The following SLC15A3 variants were observed in gnomAD, a reference collection of about 807,000 sequenced individuals.
SLC15A3 encodes the protein solute carrier family 15 member 3.
SLC15A3 carries 39 observed loss-of-function variants against 49.2 expected under a neutral mutation model. The observed-to-expected ratio is 0.79, with a 90% CI of 0.61 to 1.04. SLC15A3 has a LOEUF of 1.04. SLC15A3 is among the 50% of genes least tolerant of loss of function. The probability of loss-of-function intolerance (pLI) is 0.00; values close to 1 mark genes in which losing one functional copy is unlikely to be tolerated. For synonymous variants in SLC15A3, 339 were observed against 367.0 expected, an observed-to-expected ratio of 0.92 and a Z score of 0.87; for missense variants, 758 against 794.8, an observed-to-expected ratio of 0.95 and a Z score of 0.56.
In SLC15A3 at chr11:60,941,192, C is replaced by G; in HGVS notation, c.1206G>C (p.Lys402Asn). ...TCTTCTGCAGAGCAGAGGGAAGCAG[C>G]TTGCACCGCAGCAGTAAAGGGTCGA... is the stretch of plus-strand genomic sequence containing the variant. ...RLIDPLLLRC[K>N]LLPSALQKMA... Residue 402 changes from lysine to asparagine, a missense_variant, in exon 5 of 8, where the codon AAG becomes AAC. Physicochemically the swap from Lys to Asn is moderately conservative, Grantham distance 94. Around this residue, in one of 3 missense-constraint regions of SLC15A3, gnomAD observed 699 missense variants for 706.7 expected, o/e 0.99. Transcript: ENST00000227880. 6.2e-7 allele frequency: 1 copy of G among 1,614,204 alleles called. No homozygotes were observed.
Position 60,943,760 on chromosome 11 carries a change from T to C in SLC15A3, c.925A>G (p.Asn309Asp). ...PGASPQEDIANFQVLVKILPV... is the reference protein window; with the variant it reads ...PGASPQEDIADFQVLVKILPV... ...AAGATCTTCACCAGCACCTGGAAGTTGGCGATGTCCTCTTGCGGGGAAGCC... is the reference window on the plus strand; with the variant it reads ...AAGATCTTCACCAGCACCTGGAAGTCGGCGATGTCCTCTTGCGGGGAAGCC... Residue 309 changes from asparagine to aspartate, a missense_variant, in exon 3 of 8, where the codon AAC (asparagine) becomes GAC (aspartate). By Grantham distance (23) the Asn-to-Asp change is conservative. Coordinates refer to ENST00000227880, the MANE Select transcript of SLC15A3 (RefSeq NM_016582.3). 1 of 1,605,908 alleles carries C rather than the reference T, an allele frequency of 6.2e-7. No homozygotes were observed. Among genetic ancestry groups the C allele is most frequent in the Non-Finnish European group, 8.5e-7 (1 of 1,175,874 alleles).
intron 1 of SLC15A3, among the ~76,000 whole-genome samples, chr11:60,949,498 AAG>A: frequency 7.0e-6 from 1 of 142,020 alleles, no homozygotes; most frequent in South Asian, 2.3e-4. Flanking sequence ...GAAAGAAAGA[AAG>A]AAGGAAAGAA....
chr11:60,938,160 G>A, intron 6 of SLC15A3, 135 bp from the exon 7 acceptor site: 3 of 1,104,948 alleles, frequency 2.7e-6, no homozygotes, highest in Non-Finnish European at 3.8e-6. Context: ...TGTCCACTCA[G>A]TGGCAATGAC....
At chr11:60,949,344 GAAGA>G (rs1856852422) in intron 1 of SLC15A3, among the ~76,000 whole-genome samples, 1 of 143,716 alleles carries the variant, frequency 7.0e-6, no homozygotes, top group Non-Finnish European at 1.5e-5. Context: ...CAAAAGAAAG[GAAGA>G]AAGAAAGGAA....
At chr11:60,940,964 G>T in intron 5 of SLC15A3, 158 bp downstream of exon 5, 1 of 670,980 alleles carries the variant, frequency 1.5e-6, no homozygotes. Context: ...GATTAGATAG[G>T]AGGGTCTCTT....
Position 60,946,594 on chromosome 11 carries a change from G to T in SLC15A3, c.786C>A (p.Ser262=), listed in dbSNP as rs1484054389. ...TTTGGAGAGCGAGCTTAAGCATAGAGGACACTTGGCTGCCCATCGGGGGCT... is the reference window on the plus strand; with the variant it reads ...TTTGGAGAGCGAGCTTAAGCATAGATGACACTTGGCTGCCCATCGGGGGCT... ...ITKPPMGSQV[S]SMLKLALQNC... Residue 262 remains serine (S), a synonymous_variant, in exon 2 of 8, where the codon TCC becomes TCA. Transcript: ENST00000227880. 9.9e-6 allele frequency: 16 copies of T among 1,612,124 alleles called. No homozygotes were observed. Among genetic ancestry groups the T allele is most frequent in the Non-Finnish European group, 1.1e-5 (13 of 1,178,588 alleles).
chr11:60,949,515 A>AGAAAGAAC (rs1856867222), intron 1 of SLC15A3, among the ~76,000 whole-genome samples: 1 of 69,718 alleles, frequency 1.4e-5, no homozygotes, highest in African/African-American at 3.3e-5. Flanking sequence ...AAAGAAAGAA[A>AGAAAGAAC]GAAAGAAAGA....
intron 5 of SLC15A3, chr11:60,940,440 T>A (rs121435): frequency 0.21 from 31,464 of 152,304 alleles, 4,311 homozygotes; most frequent in Middle Eastern, 0.35. Context: ...TTTCTCCAGC[T>A]CATACTTGTG....
chr11:60,941,098 C>T, intron 5 of SLC15A3, 24 bp downstream of exon 5: 5 of 1,599,028 alleles, frequency 3.1e-6, no homozygotes, highest in Non-Finnish European at 4.3e-6. Flanking sequence ...AGTTCAGCCC[C>T]CTGCCCCACA....
chr11:60,942,203 C>G, intron 3 of SLC15A3, 58 bp from the exon 4 acceptor site: 9 of 1,444,768 alleles, frequency 6.2e-6, no homozygotes, highest in Non-Finnish European at 8.8e-6. Context: ...CCTCCCAACT[C>G]CTAGGTGGCA....
intron 7 of SLC15A3, 74 bp from the exon 8 acceptor site, chr11:60,937,447 A>G: frequency 6.3e-7 from 1 of 1,590,360 alleles, no homozygotes. Context: ...GCCGTGTCCT[A>G]GCCCTGGGGC....
rs2134945764 is a variant in SLC15A3, at chr11:60,951,066, G to A, written c.486C>T (p.Tyr162=). The part of the protein sequence containing the change: ...SPSPYCAPVL[Y]AGLLLLGLAA... ...CCAGGCCGAGTAGCAGCAGGCCCGC[G>A]TAGAGGACGGGCGCGCAGTAGGGGC... Residue 162 remains tyrosine, a synonymous_variant, in exon 1 of 8, where the codon TAC becomes TAT. Coordinates refer to ENST00000227880, the MANE Select transcript of SLC15A3 (RefSeq NM_016582.3). The A allele has an allele frequency of 6.7e-7, 1 of 1,491,118 alleles. No homozygotes were observed. The highest frequency in any genetic ancestry group is 8.9e-7 in the Non-Finnish European group (1 of 1,129,416). 92.4% of individuals were successfully genotyped at this position (1,491,118 alleles called of 1,614,324 possible). A position where few individuals can be genotyped will look rare whatever the true frequency, so the allele number is the denominator to read the frequency against.
In SLC15A3 at chr11:60,941,167, T is replaced by A. The variant is rs564486239; in HGVS notation, c.1231A>T (p.Met411Leu). 6.2e-7 allele frequency: 1 copy of A among 1,613,888 alleles called. No homozygotes were observed. Among genetic ancestry groups the A allele is most frequent in the East Asian group, 2.2e-5 (1 of 44,864 alleles). The stretch of plus-strand genomic sequence containing the variant: ...AAACCAAAGAACATCCCCAGCGCCA[T>A]CTTCTGCAGAGCAGAGGGAAGCAGC... ...CKLLPSALQK[M>L]ALGMFFGFTS... Residue 411 changes from methionine (M) to leucine (L), a missense_variant, in exon 5 of 8, where the codon ATG becomes TTG. Physicochemically the swap from Met to Leu is conservative, Grantham distance 15. This residue lies in a region of SLC15A3 where 699 missense variants were observed against 706.7 expected (regional missense o/e 0.99). Coordinates refer to ENST00000227880, the MANE Select transcript of SLC15A3 (RefSeq NM_016582.3).
Position 60,951,655 on chromosome 11 carries a change from C to T in SLC15A3, c.-104G>A, listed in dbSNP as rs1357871636. On this transcript the variant is annotated 5_prime_UTR_variant, in exon 1 of 8. Coordinates refer to ENST00000227880, the MANE Select transcript of SLC15A3 (RefSeq NM_016582.3). The stretch of plus-strand genomic sequence containing the variant: ...GGCCTCGGCCCTCTCCCCCACCCAA[C>T]TGGCTGGCCCTCCTTTCTCACCGCT... The T allele has an allele frequency of 1.1e-6, 1 of 892,192 alleles. No individual in the cohort carries two copies. Among genetic ancestry groups the T allele is most frequent in the Non-Finnish European group, 1.4e-6 (1 of 736,500 alleles). 55.3% of individuals were successfully genotyped at this position (892,192 alleles called of 1,614,324 possible). A position where few individuals can be genotyped will look rare whatever the true frequency, so the allele number is the denominator to read the frequency against.
chr11:60,942,544 A>G (rs1481357274), intron 3 of SLC15A3: 1 of 202,980 alleles, frequency 4.9e-6, no homozygotes, highest in Non-Finnish European at 1.0e-5. Context: ...CAAGCACTGC[A>G]TAGACATGGA....
chr11:60,938,346 CCT>C (rs1856656823), intron 6 of SLC15A3, among the ~76,000 whole-genome samples: 2 of 152,208 alleles, frequency 1.3e-5, no homozygotes, highest in African/African-American at 2.4e-5. Context: ...CTCTCCCCAC[CCT>C]CTCTGCCCAC....
At chr11:60,937,780 TC>T in intron 7 of SLC15A3, 89 bp downstream of exon 7, 1 of 1,466,054 alleles carries the variant, frequency 6.8e-7, no homozygotes, top group South Asian at 1.3e-5. Flanking sequence ...TACTTGCTTC[TC>T]CCCAGAGTCA....
At position 60,939,574 on chromosome 11, in the gene SLC15A3, C is replaced by T. The variant is rs1349493993; in HGVS notation, c.1341G>A (p.Gly447=). 1 of 1,614,054 alleles carries T rather than the reference C, an allele frequency of 6.2e-7. No homozygotes were observed. The highest frequency in any genetic ancestry group is 2.2e-5 in the East Asian group (1 of 44,890). ...HHNETVSQQI[G]EVLYNAAPLS... ...GTGGTGCCGCGTTGTACAGGACCTC[C>T]CCAATCTGCTGGGACACGGTCTCGT... is the stretch of plus-strand genomic sequence containing the variant. Residue 447 remains glycine (G), a synonymous_variant, in exon 6 of 8, where the codon GGG becomes GGA. Transcript: ENST00000227880.
intron 1 of SLC15A3, among the ~76,000 whole-genome samples, chr11:60,949,797 G>A (rs1409649062): frequency 6.6e-6 from 1 of 152,242 alleles, no homozygotes; most frequent in African/African-American, 2.4e-5. Flanking sequence ...AATTAGTCCA[G>A]TGGCCTGATC....
Sources: allele counts gnomAD v4.1 joint callset (sites outside exome capture counted in the v4.1 genomes callset), GRCh38; gene constraint gnomAD v4.1.1; regional missense constraint gnomAD v4.1.1; transcripts MANE v1.5; gene names NCBI Gene and HGNC (gene_info 2026-07-23, HGNC 2026-07-21).